PAH: variants seen among roughly 807,000 people sequenced by gnomAD.
The protein encoded by PAH is phenylalanine-4-hydroxylase.
In PAH, 64 loss-of-function variants were observed where a neutral mutation model predicts 62.0. The observed-to-expected ratio is 1.03, with a 90% CI of 0.84 to 1.27. The LOEUF (loss-of-function observed/expected upper bound fraction) is 1.27. Among genes scored for constraint, PAH ranks in the 50% most tolerant of loss-of-function variants. The pLI is 0.00. For missense variants in PAH, 579 were observed against 542.8 expected, an observed-to-expected ratio of 1.07 and a Z score of -0.66; for synonymous variants, 195 against 196.2, an observed-to-expected ratio of 0.99 and a Z score of 0.05.
chr12:102,898,561 A>G (rs1877605605), intron 2 of PAH, among the ~76,000 whole-genome samples: 1 of 152,184 alleles, frequency 6.6e-6, no homozygotes, highest in Admixed American at 6.5e-5. Flanking sequence ...TTGATCATTA[A>G]CGGTATAAGG....
At chr12:102,919,466 G>A (rs1348177267), upstream of PAH, among the ~76,000 whole-genome samples, 4 of 151,946 alleles carry the variant, frequency 2.6e-5, no homozygotes, top group African/African-American at 9.7e-5. Flanking sequence ...TACTCTTTCA[G>A]GTATTTTTAA....
At chr12:102,866,535 G>T in intron 5 of PAH, 61 bp downstream of exon 5, 1 of 1,309,474 alleles carries the variant, frequency 7.6e-7, no homozygotes, top group South Asian at 1.2e-5. Context: ...ATGAGGGCAA[G>T]GGAGAAGCAG....
At chr12:102,912,512 T>C (rs1447362345) in intron 2 of PAH, among the ~76,000 whole-genome samples, 2 of 152,126 alleles carry the variant, frequency 1.3e-5, no homozygotes, top group African/African-American at 4.8e-5. Context: ...TAATCACACA[T>C]ATGATTAGGC....
chr12:102,855,227 C>G lies in PAH; in HGVS notation c.615G>C (p.Glu205Asp), dbSNP rs765552494. The change falls in exon 6 of 13, where the codon GAG becomes GAC. Residue 205 changes from glutamate (E) to aspartate (D), a missense_variant. Physicochemically the swap from Glu to Asp is conservative, Grantham distance 45. Coordinates refer to ENST00000553106, the MANE Select transcript of PAH (RefSeq NM_000277.3). Reference protein sequence around the residue: ...KSLYKTHACYEYNHIFPLLEK... With the variant: ...KSLYKTHACYDYNHIFPLLEK... ...CAAGAAGTGGAAAAATGTGATTGTA[C>G]TCATAGCAAGCATGGGTTTTATACA... 1 of 1,614,046 alleles carries G rather than the reference C, an allele frequency of 6.2e-7. No homozygotes were observed. The highest frequency in any genetic ancestry group is 8.5e-7 in the Non-Finnish European group (1 of 1,179,934).
chr12:102,843,202 G>A (rs991112730), intron 11 of PAH, among the ~76,000 whole-genome samples: 18 of 152,274 alleles, frequency 1.2e-4, no homozygotes, highest in Admixed American at 8.5e-4. Context: ...TATTACAGAC[G>A]CACTGGTGGC....
At chr12:102,918,570 GTT>G (rs71097955), upstream of PAH, among the ~76,000 whole-genome samples, 15 of 57,540 alleles carry the variant, frequency 2.6e-4, no homozygotes, top group African/African-American at 6.6e-4. Context: ...GTTTTTTTTT[GTT>G]TTTTTTTTTT....
At chr12:102,943,861 G>T (rs1879387004) in intron 1 of PAH, among the ~76,000 whole-genome samples, 1 of 152,046 alleles carries the variant, frequency 6.6e-6, no homozygotes, top group South Asian at 2.1e-4. Context: ...CAGAACAATA[G>T]ATACTGAGTC....
intron 1 of PAH, among the ~76,000 whole-genome samples, chr12:102,925,447 T>G (rs1464851675): frequency 6.6e-6 from 1 of 152,206 alleles, no homozygotes; most frequent in Non-Finnish European, 1.5e-5. Flanking sequence ...TAACTTCTAC[T>G]TTCTTTAAAC....
chr12:102,881,776 C>T (rs369649139), intron 3 of PAH, among the ~76,000 whole-genome samples: 122 of 152,308 alleles, frequency 8.0e-4, no homozygotes, highest in African/African-American at 2.9e-3. Flanking sequence ...CATGTTCTCC[C>T]AAATGACAAT....
At position 102,867,950 on chromosome 12, in the gene PAH, C is replaced by CATCTATAGATGTATATATACATGT. The variant is rs1565854401; in HGVS notation, c.442-1288_442-1287insACATGTATATATACATCTATAGAT. Among the ~76,000 whole-genome samples the CATCTATAGATGTATATATACATGT allele has an allele frequency of 2.1e-4, 20 of 95,910 alleles. 2 individuals are homozygous for CATCTATAGATGTATATATACATGT. The highest frequency in any genetic ancestry group is 6.4e-4 in the African/African-American group (19 of 29,790). 62.9% of individuals were successfully genotyped at this position (95,910 alleles called of 152,430 possible). A position where few individuals can be genotyped will look rare whatever the true frequency, so the allele number is the denominator to read the frequency against. On this transcript the variant is annotated intron_variant, in intron 4 of 12. Transcript: ENST00000553106. ...ATAGATGTATATATACATGTATATA[C>CATCTATAGATGTATATATACATGT]ATATATAGATGTATATATACATGTA...
chr12:102,837,926 G>A lies in PAH; in HGVS notation c.*1249C>T, dbSNP rs1233786703. On this transcript the variant is annotated 3_prime_UTR_variant, in exon 13 of 13. Coordinates refer to ENST00000553106, the MANE Select transcript of PAH (RefSeq NM_000277.3). The stretch of plus-strand genomic sequence containing the variant: ...TATCTTCAGAGATTCAAATTGGGTG[G>A]AGCTGGGAAGGTACCCAGAATTTGC... The A allele has an allele frequency of 6.6e-6, 1 of 152,190 alleles. No individual in the cohort carries two copies. Among genetic ancestry groups the A allele is most frequent in the Non-Finnish European group, 1.5e-5 (1 of 68,034 alleles). The allele number at this position is 152,190 out of a possible 1,614,324, so 9.4% of individuals were successfully genotyped here. A position where few individuals can be genotyped will look rare whatever the true frequency, so the allele number is the denominator to read the frequency against.
chr12:102,938,600 C>T lies in PAH; in HGVS notation c.-96+11989G>A, dbSNP rs1879183110. Among the ~76,000 whole-genome samples, 4 of 152,174 alleles carry T rather than the reference C, an allele frequency of 2.6e-5. No homozygotes were observed. In the South Asian group the frequency reaches 8.3e-4, roughly 32 times the overall value. The stretch of plus-strand genomic sequence containing the variant: ...GACCCCAGAACAGCCACCCTACTCC[C>T]ACCTAAGCATTTGGGCCAGTAGCAG... On this transcript the variant is annotated intron_variant, in intron 1 of 3. Transcript: ENST00000546844.
At chr12:102,949,602 C>T (rs1879658570) in intron 1 of PAH, among the ~76,000 whole-genome samples, 1 of 152,150 alleles carries the variant, frequency 6.6e-6, no homozygotes, top group Non-Finnish European at 1.5e-5. Context: ...CTAACAGTAA[C>T]GTGTCAAAGG....
At chr12:102,949,632 A>G (rs1454456548) in intron 1 of PAH, among the ~76,000 whole-genome samples, 1 of 152,198 alleles carries the variant, frequency 6.6e-6, no homozygotes, top group Non-Finnish European at 1.5e-5. Flanking sequence ...TGTTGAAATC[A>G]TTAGTGTCTG....
chr12:102,855,066 C>T (rs1388136999), intron 6 of PAH, 70 bp downstream of exon 6: 1 of 1,260,464 alleles, frequency 7.9e-7, no homozygotes, highest in African/African-American at 1.5e-5. Flanking sequence ...ACTTGTCTTC[C>T]CCTTCCCTCT....
chr12:102,927,280 G>GTTTTT (rs34781084), intron 1 of PAH, among the ~76,000 whole-genome samples: 2 of 129,202 alleles, frequency 1.5e-5, no homozygotes, highest in East Asian at 2.3e-4. Context: ...CTTCAAAAAA[G>GTTTTT]TTTTTTTTTT....
At chr12:102,877,674 C>A (rs930392644) in intron 3 of PAH, 124 bp from the exon 4 acceptor site, 9 of 750,124 alleles carry the variant, frequency 1.2e-5, no homozygotes, top group Non-Finnish European at 1.9e-5. Context: ...TCCAGATAAC[C>A]CCCAAATTAC....
chr12:102,868,126 GTATATATATATATATA>G lies in PAH; in HGVS notation c.442-1479_442-1464del, dbSNP rs1182277046. 1.1e-3 allele frequency among the ~76,000 whole-genome samples: 7 copies of G among 6,424 alleles called. 1 individual carries two copies. Among genetic ancestry groups the G allele is most frequent in the African/African-American group, 1.5e-3 (5 of 3,432 alleles). 4.2% of individuals were successfully genotyped at this position (6,424 alleles called of 152,430 possible). A position where few individuals can be genotyped will look rare whatever the true frequency, so the allele number is the denominator to read the frequency against. On this transcript the variant is annotated intron_variant, in intron 4 of 12. Transcript: ENST00000553106. The stretch of plus-strand genomic sequence containing the variant: ...TATACACATATATATACATATATGT[GTATATATATATATATA>G]TATATATATATACACATATATATAC...
upstream of PAH, among the ~76,000 whole-genome samples, chr12:102,952,589 T>C (rs1203569269): frequency 6.6e-6 from 1 of 152,064 alleles, no homozygotes; most frequent in African/African-American, 2.4e-5. Flanking sequence ...TTAATCATAA[T>C]GTAAATGGGG....
Sources: gnomAD v4.1 joint callset for allele counts (sites outside exome capture counted in the v4.1 genomes callset) on GRCh38, gnomAD v4.1.1 for gene constraint, MANE v1.5 for transcripts, NCBI Gene and HGNC (gene_info 2026-07-23, HGNC 2026-07-21) for gene names.